Variants in SAMSN1 observed in about 807,000 individuals in gnomAD.
SAMSN1 encodes the protein SAM domain-containing protein SAMSN-1.
A neutral mutation model predicts 42.0 loss-of-function variants in SAMSN1; 31 were observed. The ratio of observed to expected loss-of-function variants is 0.74; its 90% CI spans 0.55 to 1.00. The LOEUF (loss-of-function observed/expected upper bound fraction) is 1.00. Among genes scored for constraint, SAMSN1 ranks in the 50% least tolerant of loss-of-function variants. The pLI, the probability that SAMSN1 is intolerant of heterozygous loss-of-function variation, is 0.00. For synonymous variants in SAMSN1, 178 were observed against 151.9 expected (o/e 1.17, Z -1.26); for missense variants, 464 against 439.4 (o/e 1.06, Z -0.50).
intron 1 of SAMSN1, among the ~76,000 whole-genome samples, chr21:14,528,591 G>A (rs889523993): frequency 1.8e-4 from 28 of 152,182 alleles, no homozygotes; most frequent in Non-Finnish European, 3.2e-4. Flanking sequence ...GGAGAGTTTG[G>A]ACACTTAATG....
rs185313792 is a variant in SAMSN1, at chr21:14,597,361, T to G, written c.400-3283A>C. Reference sequence around the variant, plus strand: ...ATTGTGTGCTATGTTGGATACAGTTTTAATTCTGTACATAGCCAATGGGAT... The same window carrying G: ...ATTGTGTGCTATGTTGGATACAGTTGTAATTCTGTACATAGCCAATGGGAT... On this transcript the variant is annotated intron_variant, in intron 6 of 15. Transcript: ENST00000647101. 4.1e-3 allele frequency among the ~76,000 whole-genome samples: 622 copies of G among 152,322 alleles called. 6 individuals are homozygous for G. The highest frequency in any genetic ancestry group is 0.014 in the African/African-American group (586 of 41,574).
At chr21:14,605,059 G>T (rs1467425892) in intron 5 of SAMSN1, among the ~76,000 whole-genome samples, 5 of 152,222 alleles carry the variant, frequency 3.3e-5, no homozygotes, top group Non-Finnish European at 7.3e-5. Context: ...ATGCCATCCA[G>T]CATAAAAATT....
intron 5 of SAMSN1, among the ~76,000 whole-genome samples, chr21:14,606,881 A>G (rs1444474768): frequency 6.6e-6 from 1 of 152,242 alleles, no homozygotes; most frequent in African/African-American, 2.4e-5. Context: ...CTATGGATTA[A>G]TACATCAGAC....
At chr21:14,518,494 T>C (rs2123023410) in intron 2 of SAMSN1, among the ~76,000 whole-genome samples, 1 of 152,278 alleles carries the variant, frequency 6.6e-6, no homozygotes, top group South Asian at 2.1e-4. Context: ...TAAAATACCT[T>C]ATATTTGCAA....
At chr21:14,518,542 C>T (rs1292918994) in intron 2 of SAMSN1, among the ~76,000 whole-genome samples, 1 of 152,032 alleles carries the variant, frequency 6.6e-6, no homozygotes, top group Admixed American at 6.6e-5. Flanking sequence ...TAACACTGCC[C>T]ACCATTACTG....
At chr21:14,489,457 G>A (rs1381403784) in intron 7 of SAMSN1, among the ~76,000 whole-genome samples, 1 of 151,956 alleles carries the variant, frequency 6.6e-6, no homozygotes, top group Non-Finnish European at 1.5e-5. Flanking sequence ...TATTTCTCAG[G>A]TCATCCACAT....
chr21:14,581,340 A>ATTTTTTTTTTTTTTTTT (rs1404934178), intron 2 of SAMSN1, among the ~76,000 whole-genome samples: 2 of 22,534 alleles, frequency 8.9e-5, no homozygotes, highest in African/African-American at 1.2e-4. Context: ...GGGAAATAAT[A>ATTTTTTTTTTTTTTTTT]TTTCTTTTTT....
At chr21:14,582,516 C>T (rs1981772973) in intron 1 of SAMSN1, 1 of 811,532 alleles carries the variant, frequency 1.2e-6, no homozygotes, top group Non-Finnish European at 2.0e-6. Flanking sequence ...AGGTTAAAAA[C>T]TATGATTATA....
At chr21:14,544,685 A>G (rs1363587461) in intron 1 of SAMSN1, among the ~76,000 whole-genome samples, 1 of 152,176 alleles carries the variant, frequency 6.6e-6, no homozygotes, top group Non-Finnish European at 1.5e-5. Flanking sequence ...TGAATAAGGA[A>G]GTCAAGATTA....
upstream of SAMSN1, among the ~76,000 whole-genome samples, chr21:14,586,595 C>T (rs114645015): frequency 4.6e-3 from 701 of 151,920 alleles, 13 homozygotes; most frequent in African/African-American, 0.015. Context: ...AGGTGACAGG[C>T]GATAAACATA....
chr21:14,498,314 T>C, intron 7 of SAMSN1, 128 bp downstream of exon 7: 1 of 748,550 alleles, frequency 1.3e-6, no homozygotes. Flanking sequence ...TATATGAAAA[T>C]ACCTATTTTA....
intron 1 of SAMSN1, among the ~76,000 whole-genome samples, chr21:14,536,945 G>A (rs896151064): frequency 6.6e-5 from 10 of 152,150 alleles, no homozygotes; most frequent in South Asian, 2.1e-4. Context: ...CAACTGGGCC[G>A]TTCCTTTGTC....
chr21:14,502,708 T>A (rs1051523480), intron 5 of SAMSN1, among the ~76,000 whole-genome samples: 1 of 152,138 alleles, frequency 6.6e-6, no homozygotes, highest in African/African-American at 2.4e-5. Flanking sequence ...AGGTTATGGG[T>A]ACCCTTTCCC....
At chr21:14,503,793 G>A (rs1225454474) in intron 5 of SAMSN1, among the ~76,000 whole-genome samples, 1 of 152,130 alleles carries the variant, frequency 6.6e-6, no homozygotes, top group Non-Finnish European at 1.5e-5. Context: ...AACGATTGCA[G>A]AAATAAATTA....
At chr21:14,521,729 G>A (rs539463549) in intron 1 of SAMSN1, among the ~76,000 whole-genome samples, 2 of 152,156 alleles carry the variant, frequency 1.3e-5, no homozygotes, top group South Asian at 2.1e-4. Flanking sequence ...GCAGGGAGAC[G>A]GAGAGCATCA....
rs193091201 is a variant in SAMSN1, at chr21:14,552,651, C to G, written c.261+29485G>C. On this transcript the variant is annotated intron_variant, in intron 2 of 8. Coordinates refer to the SAMSN1 transcript ENST00000285670. ...AATTTCTGTTGTTTGGAAGCTACCC[C>G]AAGTTTATGGTATTTTATTATAGCA... Among the ~76,000 whole-genome samples, 14 of 152,220 alleles carry G rather than the reference C, an allele frequency of 9.2e-5. 1 individual carries two copies. The East Asian group carries it at 2.1e-3, about 23-fold the overall frequency.
intron 5 of SAMSN1, among the ~76,000 whole-genome samples, chr21:14,605,346 C>T (rs1600958803): frequency 6.6e-6 from 1 of 152,174 alleles, no homozygotes; most frequent in East Asian, 1.9e-4. Context: ...GTACCCTTTC[C>T]TCAGGGAGTT....
intron 2 of SAMSN1, chr21:14,582,087 GTACAAAACCCCAGA>G: frequency 6.8e-7 from 1 of 1,461,650 alleles, no homozygotes; most frequent in South Asian, 1.4e-5. Flanking sequence ...TTTCCCGACA[GTACAAAACCCCAGA>G]TAAGATGACA....
chr21:14,558,531 A>T (rs945633998), intron 2 of SAMSN1, among the ~76,000 whole-genome samples: 6 of 151,836 alleles, frequency 4.0e-5, no homozygotes, highest in Non-Finnish European at 7.4e-5. Flanking sequence ...ATACAAAAAA[A>T]TTAGCCGGCC....
Sources: allele counts gnomAD v4.1 joint callset (sites outside exome capture counted in the v4.1 genomes callset), GRCh38; gene constraint gnomAD v4.1.1; transcripts MANE v1.5; gene names NCBI Gene and HGNC (gene_info 2026-07-23, HGNC 2026-07-21).